Variants in CELSR2 observed in about 807,000 individuals in gnomAD.
CELSR2 encodes cadherin EGF LAG seven-pass G-type receptor 2.
Under a neutral mutation model 251.6 loss-of-function variants are expected in CELSR2, and 81 were observed. The observed-to-expected ratio is 0.32, with a 90% confidence interval of 0.27 to 0.39. The LOEUF (loss-of-function observed/expected upper bound fraction) is 0.39, where lower values mean the gene tolerates loss of function less well. CELSR2 is among the 10% of genes least tolerant of loss of function. CELSR2 has a pLI of 1.00. For missense variants in CELSR2, 3,365 were observed against 3,947.7 expected, an observed-to-expected ratio of 0.85 and a Z score of 3.96; for synonymous variants, 1,721 against 1,670.5, an observed-to-expected ratio of 1.03 and a Z score of -0.74.
rs1207320713 is a variant in CELSR2 at position 109,270,117 on chromosome 1, A to G, written c.7292A>G (p.Asn2431Ser). The G allele has an allele frequency of 1.2e-6, 2 of 1,613,888 alleles. No individual in the cohort carries two copies. The highest frequency in any genetic ancestry group is 4.5e-5 in the East Asian group (2 of 44,872). The change falls in exon 23 of 34, where the codon AAC becomes AGC. Residue 2431 changes from asparagine to serine, a missense_variant. Asn to Ser is a conservative substitution (Grantham distance 46). Transcript: ENST00000271332. ...CAGCTGGTCTTCCTCCTGGGAATCA[A>G]CCAGGCTGACCTCCCTGTAAGATGC... Reference protein sequence around the residue: ...LAQLVFLLGINQADLPFACTV... With the variant: ...LAQLVFLLGISQADLPFACTV...
At chr1:109,259,659 C>T (rs1294467554) in intron 2 of CELSR2, among the ~76,000 whole-genome samples, 1 of 152,106 alleles carries the variant, frequency 6.6e-6, no homozygotes, top group Non-Finnish European at 1.5e-5. Context: ...ACTTTTCTCC[C>T]CAGGCATTAA....
At position 109,269,736 on chromosome 1, in the gene CELSR2, C is replaced by T. The variant is rs889384099; in HGVS notation, c.7023C>T (p.Val2341=). The T allele has an allele frequency of 5.0e-6, 8 of 1,613,968 alleles. No homozygotes were observed. Among genetic ancestry groups the T allele is most frequent in the East Asian group, 4.5e-5 (2 of 44,862 alleles). ...TGGWSARGCE[V]VFRNESHVSC... The stretch of plus-strand genomic sequence containing the variant: ...GCTGGTCGGCCAGAGGCTGTGAAGT[C>T]GTCTTCCGCAATGAGAGCCACGTCA... Residue 2341 remains valine, a synonymous_variant, in exon 22 of 34, where the codon GTC becomes GTT. Transcript: ENST00000271332. This position sits in a 1 kb window ranked among gnomAD's most constrained non-coding sequence, Gnocchi z 6.4.
At chr1:109,257,966 C>A (rs985284665) in intron 1 of CELSR2, among the ~76,000 whole-genome samples, 1 of 152,320 alleles carries the variant, frequency 6.6e-6, no homozygotes, top group Non-Finnish European at 1.5e-5. Context: ...CACTCCCCCC[C>A]ACCCCCGCCA....
chr1:109,252,998 C>G lies in CELSR2; in HGVS notation c.2919C>G (p.Ile973Met). The change falls in exon 1 of 34, where the codon ATC becomes ATG. Residue 973 changes from isoleucine (I) to methionine (M), a missense_variant. Around this residue, in one of 5 missense-constraint regions of CELSR2, gnomAD observed 505 missense variants for 660.0 expected, o/e 0.77. Coordinates refer to ENST00000271332, the MANE Select transcript of CELSR2 (RefSeq NM_001408.3). This position sits in a 1 kb window ranked among gnomAD's most constrained non-coding sequence, Gnocchi z 4.8. ...TCCCTGAGGTCTTTCAGCTGGACAT[C>G]TTCTCCGGGGAGCTGACAGCCCTGG... is the stretch of plus-strand genomic sequence containing the variant. ...GNIPEVFQLD[I>M]FSGELTALVD... The G allele has an allele frequency of 1.2e-6, 2 of 1,612,264 alleles. No homozygotes were observed. The highest frequency in any genetic ancestry group is 1.7e-6 in the Non-Finnish European group (2 of 1,178,830).
rs1656055703 is a variant in CELSR2 at position 109,262,801 on chromosome 1, C to T, written c.4545-5C>T. ...CTTGTGCCGCCACCATCTTTGCTCCCCCAGGTCTCTGGATCTGACGGGGCC... is the reference window on the plus strand; with the variant it reads ...CTTGTGCCGCCACCATCTTTGCTCCTCCAGGTCTCTGGATCTGACGGGGCC... On this transcript the variant is annotated splice_region_variant and splice_polypyrimidine_tract_variant and intron_variant, in intron 6 of 33. Coordinates refer to ENST00000271332, the MANE Select transcript of CELSR2 (RefSeq NM_001408.3). The T allele has an allele frequency of 1.9e-6, 3 of 1,610,488 alleles. No individual in the cohort carries two copies. In the African/African-American group the frequency reaches 4.0e-5, roughly 22 times the overall value.
At position 109,270,611 on chromosome 1, in the gene CELSR2, C is replaced by A. The variant is rs550363072; in HGVS notation, c.7483+11C>A. The A allele has an allele frequency of 7.0e-5, 112 of 1,598,462 alleles. No homozygotes were observed. The South Asian group carries it at 1.2e-3, about 18-fold the overall frequency. On this transcript the variant is annotated intron_variant, in intron 24 of 33. Coordinates refer to ENST00000271332, the MANE Select transcript of CELSR2 (RefSeq NM_001408.3). ...CTGCCTTCATCACAGGTACTCCCAC[C>A]CATTCCCAGTCTTGGGGTCCCACAT...
In CELSR2 at chr1:109,249,963, GGGA is replaced by G. The variant is rs1021792377; in HGVS notation, c.-114_-112del. The G allele has an allele frequency of 2.0e-4, 204 of 999,640 alleles. No individual in the cohort carries two copies. The highest frequency in any genetic ancestry group is 2.5e-4 in the Non-Finnish European group (198 of 795,106). The allele number at this position is 999,640 out of a possible 1,614,324, so 61.9% of individuals were successfully genotyped here. On this transcript the variant is annotated 5_prime_UTR_variant, in exon 1 of 34. Transcript: ENST00000271332. ...CAGACGCAGGCCCCGCGGGGCGCACGGGAGGCCCCCGGGGACTGGCGCCCTGGC... is the reference window on the plus strand; with the variant it reads ...CAGACGCAGGCCCCGCGGGGCGCACGGGCCCCCGGGGACTGGCGCCCTGGC...
At chr1:109,263,811 G>T in intron 9 of CELSR2, 34 bp downstream of exon 9, 1 of 1,603,126 alleles carries the variant, frequency 6.2e-7, no homozygotes. Context: ...CCCTGGCCTG[G>T]CCATAGGGCC....
In CELSR2 at chr1:109,258,761, A is replaced by T. The variant is rs755374888; in HGVS notation, c.3640A>T (p.Ser1214Cys). 13 of 1,589,838 alleles carry T rather than the reference A, an allele frequency of 8.2e-6. No homozygotes were observed. The East Asian group carries it at 2.1e-4, about 25-fold the overall frequency. The change falls in exon 2 of 34, where the codon AGC (serine) becomes TGC (cysteine). Residue 1214 changes from serine (S) to cysteine (C), a missense_variant. Ser to Cys is a moderately radical substitution (Grantham distance 112, BLOSUM62 -1). This residue lies in a region of CELSR2 where 2,093 missense variants were observed against 2,382.8 expected (regional missense o/e 0.88). Transcript: ENST00000271332. ...GCAGGAGCGCCTATACCTCAACCGC[A>T]GCCTGCTGACGGCCATCTCGGCACA... is the stretch of plus-strand genomic sequence containing the variant. ...DLQERLYLNR[S>C]LLTAISAQRV...
rs1557731341 is a variant in CELSR2, at chr1:109,261,291, G to A, written c.4181+27G>A. 1 of 1,602,546 alleles carries A rather than the reference G, an allele frequency of 6.2e-7. No homozygotes were observed. Among genetic ancestry groups the A allele is most frequent in the African/African-American group, 1.3e-5 (1 of 74,738 alleles). On this transcript the variant is annotated intron_variant, in intron 3 of 33. Coordinates refer to ENST00000271332, the MANE Select transcript of CELSR2 (RefSeq NM_001408.3). The surrounding 1 kb of genome is among the most constrained non-coding windows in gnomAD (Gnocchi z 4.8). The stretch of plus-strand genomic sequence containing the variant: ...TGAGTGGCTGGGCACTGGGGGTGGG[G>A]AGTGGGCCTGGTGGGCATCTGAGGT...
rs1260426479 is a variant in CELSR2 at position 109,269,945 on chromosome 1, C to G, written c.7120C>G (p.Leu2374Val). The change falls in exon 23 of 34, where the codon CTG becomes GTG. Residue 2374 changes from leucine (L) to valine (V), a missense_variant. Coordinates refer to ENST00000271332, the MANE Select transcript of CELSR2 (RefSeq NM_001408.3). This position sits in a 1 kb window ranked among gnomAD's most constrained non-coding sequence, Gnocchi z 6.4. ...DVSRRENGEI[L>V]PLKTLTYVAL... Reference sequence around the variant, plus strand: ...ACCTACTCTGCAGAATGGGGAGATCCTGCCACTGAAGACACTGACATACGT... The same window carrying G: ...ACCTACTCTGCAGAATGGGGAGATCGTGCCACTGAAGACACTGACATACGT... The G allele has an allele frequency of 1.3e-5, 21 of 1,614,028 alleles. No individual in the cohort carries two copies. Among genetic ancestry groups the G allele is most frequent in the Non-Finnish European group, 1.7e-5 (20 of 1,180,026 alleles).
intron 5 of CELSR2, 102 bp from the exon 6 acceptor site, chr1:109,262,185 C>G: frequency 6.7e-7 from 1 of 1,489,270 alleles, no homozygotes; most frequent in Non-Finnish European, 9.1e-7. Context: ...GTACGTGTGT[C>G]TGGGCATGTG....
Position 109,270,945 on chromosome 1 carries a change from A to G in CELSR2, c.7502A>G (p.Asp2501Gly). The G allele has an allele frequency of 6.2e-7, 1 of 1,612,312 alleles. No individual in the cohort carries two copies. The highest frequency in any genetic ancestry group is 8.5e-7 in the Non-Finnish European group (1 of 1,179,684). Residue 2501 changes from aspartate (D) to glycine (G), a missense_variant, in exon 25 of 34, where the codon GAC becomes GGC. Asp to Gly is a moderately conservative substitution (Grantham distance 94, BLOSUM62 -1). Coordinates refer to ENST00000271332, the MANE Select transcript of CELSR2 (RefSeq NM_001408.3). The stretch of plus-strand genomic sequence containing the variant: ...GCTCCAGGGCTAGCCGTGGGCCTGG[A>G]CCCCGAGGGCTACGGGAACCCTGAC... The part of the protein sequence containing the change: ...AFITGLAVGL[D>G]PEGYGNPDFC...
Position 109,252,344 on chromosome 1 carries a change from C to T in CELSR2, c.2265C>T (p.Ile755=), listed in dbSNP as rs947629619. ...ARITYFMEDS[I]PQFRIDADTG... ...TCACCTACTTCATGGAGGACAGCAT[C>T]CCCCAGTTCCGCATCGATGCAGACA... Residue 755 remains isoleucine, a synonymous_variant, in exon 1 of 34, where the codon ATC becomes ATT. Coordinates refer to ENST00000271332, the MANE Select transcript of CELSR2 (RefSeq NM_001408.3). This position sits in a 1 kb window ranked among gnomAD's most constrained non-coding sequence, Gnocchi z 4.8. The T allele has an allele frequency of 6.2e-7, 1 of 1,612,974 alleles. No individual in the cohort carries two copies. Among genetic ancestry groups the T allele is most frequent in the African/African-American group, 1.3e-5 (1 of 75,054 alleles).
rs1656404163 is a variant in CELSR2, at chr1:109,272,642, A to G, written c.8057A>G (p.Glu2686Gly). 6.2e-7 allele frequency: 1 copy of G among 1,613,022 alleles called. No individual in the cohort carries two copies. Among genetic ancestry groups the G allele is most frequent in the African/African-American group, 1.3e-5 (1 of 75,020 alleles). ...CCAGCATGGTCTCATCTTCCTAGGG[A>G]GGAGTCCGCACTGAACCCTGGCCAA... ...QPSYIPFLLR[E>G]ESALNPGQGP... Residue 2686 changes from glutamate to glycine, a missense_variant and splice_region_variant, in exon 30 of 34, where the codon GAG becomes GGG. Glu to Gly is a moderately conservative substitution (Grantham distance 98). This residue lies in a region of CELSR2 where 2,093 missense variants were observed against 2,382.8 expected (regional missense o/e 0.88). Coordinates refer to ENST00000271332, the MANE Select transcript of CELSR2 (RefSeq NM_001408.3).
chr1:109,252,236 G>A lies in CELSR2; in HGVS notation c.2157G>A (p.Val719=), dbSNP rs565002942. The change falls in exon 1 of 34, where the codon GTG becomes GTA. Residue 719 remains valine (V), a synonymous_variant. Transcript: ENST00000271332. This position sits in a 1 kb window ranked among gnomAD's most constrained non-coding sequence, Gnocchi z 4.8. ...TCTTTCAGAGCTCCCACTATACAGTGAATGTTAATGAGGACCGGCCGGCAG... is the reference window on the plus strand; with the variant it reads ...TCTTTCAGAGCTCCCACTATACAGTAAATGTTAATGAGGACCGGCCGGCAG... ...RPVFQSSHYT[V]NVNEDRPAGT... is the part of the protein sequence containing the mutation. 3.7e-6 allele frequency: 6 copies of A among 1,613,536 alleles called. No individual in the cohort carries two copies. In the South Asian group the frequency reaches 6.6e-5, roughly 18 times the overall value.
chr1:109,268,820 C>T (rs1303289894), intron 18 of CELSR2, 56 bp downstream of exon 18: 38 of 1,582,196 alleles, frequency 2.4e-5, no homozygotes, highest in South Asian at 4.5e-5. Context: ...CCGACAAGAG[C>T]GGCTGTGCTG....
chr1:109,250,562 G>C lies in CELSR2; in HGVS notation c.483G>C (p.Arg161Ser), dbSNP rs747898778. 1 of 1,613,912 alleles carries C rather than the reference G, an allele frequency of 6.2e-7. No homozygotes were observed. Residue 161 changes from arginine to serine, a missense_variant, in exon 1 of 34, where the codon AGG becomes AGC. Arg to Ser is a moderately radical substitution (Grantham distance 110). Around this residue, in one of 5 missense-constraint regions of CELSR2, gnomAD observed 704 missense variants for 784.1 expected, o/e 0.90. Coordinates refer to ENST00000271332, the MANE Select transcript of CELSR2 (RefSeq NM_001408.3). The surrounding 1 kb of genome is among the most constrained non-coding windows in gnomAD (Gnocchi z 4.4). Reference sequence around the variant, plus strand: ...CCCCCGGGCTCAGGGCAGGGGAAAGGTCACCAGAAGAGTCCCTGGGTGGGC... The same window carrying C: ...CCCCCGGGCTCAGGGCAGGGGAAAGCTCACCAGAAGAGTCCCTGGGTGGGC... ...AQAPGLRAGE[R>S]SPEESLGGRR... is the part of the protein sequence containing the mutation.
In CELSR2 at chr1:109,263,218, G is replaced by A. The variant is rs759131615; in HGVS notation, c.4785G>A (p.Ala1595=). 26 of 1,593,774 alleles carry A rather than the reference G, an allele frequency of 1.6e-5. 1 individual carries two copies. The highest frequency in any genetic ancestry group is 7.7e-5 in the South Asian group (7 of 90,564). Residue 1595 remains alanine (A), a synonymous_variant, in exon 8 of 34, where the codon GCG becomes GCA. Coordinates refer to ENST00000271332, the MANE Select transcript of CELSR2 (RefSeq NM_001408.3). ...NGGTCVNQWD[A]FSCECPLGFG... ...GCACTTGCGTGAACCAGTGGGACGC[G>A]TTCAGCTGCGAGTGCCCCCTGGGCT... is the stretch of plus-strand genomic sequence containing the variant.
Sources: gnomAD v4.1 joint callset for allele counts (sites outside exome capture counted in the v4.1 genomes callset) on GRCh38, gnomAD v4.1.1 for gene constraint, gnomAD v4.1.1 regional missense constraint, Gnocchi (gnomAD v3.1) non-coding constraint, MANE v1.5 for transcripts, NCBI Gene and HGNC (gene_info 2026-07-23, HGNC 2026-07-21) for gene names.